Variants in FAM133B observed in about 807,000 individuals in gnomAD.
FAM133B encodes the protein protein FAM133B.
In FAM133B, 25 loss-of-function variants were observed where a neutral mutation model predicts 46.4. The ratio of observed to expected loss-of-function variants is 0.54; its 90% confidence interval spans 0.39 to 0.75. FAM133B has a LOEUF of 0.75. FAM133B is among the 30% of genes least tolerant of loss of function. The pLI is 0.00. For synonymous variants in FAM133B, 75 were observed against 86.0 expected, an observed-to-expected ratio of 0.87 and a Z score of 0.71; for missense variants, 205 against 277.6, an observed-to-expected ratio of 0.74 and a Z score of 1.86.
rs149164436 is a variant in FAM133B, at chr7:92,578,061, C to T, written c.309+89G>A. On this transcript the variant is annotated intron_variant, in intron 5 of 10. Coordinates refer to ENST00000445716, the MANE Select transcript of FAM133B (RefSeq NM_152789.4). ...CTTGACTCATCTGGAGTTTAAGCTA[C>T]CTTTAGCATACAGGTTAAACAAATT... The T allele has an allele frequency of 1.1e-3, 1,294 of 1,160,338 alleles. 9 individuals carry two copies. The African/African-American group carries it at 0.017, about 16-fold the overall frequency. The allele number at this position is 1,160,338 out of a possible 1,614,324, so 71.9% of individuals were successfully genotyped here. A position where few individuals can be genotyped will look rare whatever the true frequency, so the allele number is the denominator to read the frequency against.
At chr7:92,584,605 G>A (rs984278000) in intron 1 of FAM133B, among the ~76,000 whole-genome samples, 3 of 152,202 alleles carry the variant, frequency 2.0e-5, no homozygotes, top group Non-Finnish European at 4.4e-5. Context: ...AGGGCAAGAT[G>A]TGGACATCAT....
chr7:92,562,419 A>G, intron 10 of FAM133B, 51 bp from the exon 11 acceptor site: 1 of 1,509,636 alleles, frequency 6.6e-7, no homozygotes, highest in Non-Finnish European at 8.8e-7. Context: ...TACGCAAATT[A>G]AAAGCATCTT....
intron 8 of FAM133B, among the ~76,000 whole-genome samples, chr7:92,574,529 G>A (rs1360443346): frequency 6.6e-6 from 1 of 152,052 alleles, no homozygotes; most frequent in East Asian, 1.9e-4. Flanking sequence ...CTGAATTTTA[G>A]CTTTAAAATA....
intron 1 of FAM133B, among the ~76,000 whole-genome samples, chr7:92,583,608 A>G (rs1351235228): frequency 6.6e-6 from 1 of 152,208 alleles, no homozygotes; most frequent in Non-Finnish European, 1.5e-5. Context: ...TGTTAATGAC[A>G]GTGTTTAGCA....
intron 6 of FAM133B, 114 bp from the exon 7 acceptor site, chr7:92,577,309 A>G (rs376894205): frequency 3.0e-6 from 2 of 673,600 alleles, no homozygotes; most frequent in Non-Finnish European, 2.3e-6. Flanking sequence ...ATCAGTTTCT[A>G]TATTTTTTTC....
At chr7:92,590,202 G>A in intron 1 of FAM133B, 66 bp downstream of exon 1, 1 of 1,612,218 alleles carries the variant, frequency 6.2e-7, no homozygotes, top group African/African-American at 1.3e-5. Context: ...CGGGAACAGC[G>A]AGGGTTCTCG....
At chr7:92,570,970 C>A (rs1025094081) in intron 8 of FAM133B, among the ~76,000 whole-genome samples, 3 of 152,164 alleles carry the variant, frequency 2.0e-5, no homozygotes, top group East Asian at 3.8e-4. Flanking sequence ...GCTCTTCTCA[C>A]CCAATAGTAT....
chr7:92,568,258 T>C (rs1359645434), intron 9 of FAM133B, among the ~76,000 whole-genome samples: 1 of 152,090 alleles, frequency 6.6e-6, no homozygotes, highest in Non-Finnish European at 1.5e-5. Flanking sequence ...TAAGATATAC[T>C]GTAATGCCAC....
At chr7:92,587,413 G>A (rs1269456030) in intron 1 of FAM133B, among the ~76,000 whole-genome samples, 5 of 152,168 alleles carry the variant, frequency 3.3e-5, no homozygotes, top group African/African-American at 7.2e-5. Context: ...TGGCTAGGCC[G>A]AAGAGAGGAT....
chr7:92,571,625 T>C (rs1270026624), intron 8 of FAM133B, among the ~76,000 whole-genome samples: 4 of 152,220 alleles, frequency 2.6e-5, no homozygotes, highest in Admixed American at 1.3e-4. Flanking sequence ...TGGCTTTATG[T>C]AGTGGCCAGC....
intron 10 of FAM133B, 81 bp from the exon 11 acceptor site, chr7:92,562,449 C>T (rs1794189188): frequency 6.8e-7 from 1 of 1,468,420 alleles, no homozygotes; most frequent in Admixed American, 2.5e-5. Context: ...TCTAAGCTAC[C>T]ACATAATTCC....
intron 1 of FAM133B, among the ~76,000 whole-genome samples, chr7:92,583,554 T>C (rs2116419217): frequency 6.6e-6 from 1 of 152,334 alleles, no homozygotes; most frequent in East Asian, 1.9e-4. Flanking sequence ...TTTAGAGATT[T>C]TTTTCAAAAA....
chr7:92,574,858 T>C (rs563003858), intron 8 of FAM133B, among the ~76,000 whole-genome samples: 3 of 151,478 alleles, frequency 2.0e-5, no homozygotes, highest in East Asian at 1.9e-4. Flanking sequence ...TGAGCCGAGA[T>C]TGCGCCACTG....
At chr7:92,590,223 G>T (rs1475195926) in intron 1 of FAM133B, 45 bp downstream of exon 1, 1 of 1,613,284 alleles carries the variant, frequency 6.2e-7, no homozygotes, top group African/African-American at 1.3e-5. Flanking sequence ...CTGTCCTGCC[G>T]CCGGGCCCTG....
chr7:92,579,046 A>C (rs753799729), intron 3 of FAM133B: 10 of 313,538 alleles, frequency 3.2e-5, no homozygotes, highest in Admixed American at 5.1e-5. Flanking sequence ...TTTTTAAAGC[A>C]TGCACGTAAA....
rs905932507 is a variant in FAM133B, at chr7:92,574,181, T to G, written c.516+1590A>C. On this transcript the variant is annotated intron_variant, in intron 8 of 10. Transcript: ENST00000445716. ...CAAATGGTAGAAACAAAACCAAATG[T>G]CCATCAACAAATGAATGGATGGCGA... Among the ~76,000 whole-genome samples, 46 of 152,182 alleles carry G rather than the reference T, an allele frequency of 3.0e-4. 1 individual carries two copies. Among genetic ancestry groups the G allele is most frequent in the Non-Finnish European group, 5.9e-5 (4 of 68,030 alleles).
chr7:92,571,324 C>T (rs899208076), intron 8 of FAM133B, among the ~76,000 whole-genome samples: 12 of 152,112 alleles, frequency 7.9e-5, no homozygotes, highest in African/African-American at 2.7e-4. Flanking sequence ...ATTGCCTAAA[C>T]GTATATTTGC....
intron 9 of FAM133B, among the ~76,000 whole-genome samples, chr7:92,568,646 G>C (rs1794439902): frequency 6.6e-6 from 1 of 151,464 alleles, no homozygotes. Context: ...GGGATTATAA[G>C]CACGAGCCAC....
intron 8 of FAM133B, among the ~76,000 whole-genome samples, chr7:92,570,826 A>G (rs6951957): frequency 0.13 from 19,737 of 152,208 alleles, 1,343 homozygotes; most frequent in African/African-American, 0.16. Flanking sequence ...TATTTTGGCC[A>G]AAATGTTAAA....
Sources: allele counts gnomAD v4.1 joint callset (sites outside exome capture counted in the v4.1 genomes callset), GRCh38; gene constraint gnomAD v4.1.1; transcripts MANE v1.5; gene names NCBI Gene and HGNC (gene_info 2026-07-23, HGNC 2026-07-21).